MAPK10: variants seen among roughly 807,000 people sequenced by gnomAD.
The protein encoded by MAPK10 is mitogen-activated protein kinase 10.
In MAPK10, 25 loss-of-function variants were observed where a neutral mutation model predicts 59.3. The observed-to-expected ratio is 0.42, with a 90% CI of 0.31 to 0.59. The LOEUF is 0.59. Ranked by LOEUF, MAPK10 falls within the 20% of genes least tolerant of loss-of-function variation. MAPK10 has a pLI of 0.15. For synonymous variants in MAPK10, 190 were observed against 200.5 expected (o/e 0.95, Z 0.44); for missense variants, 351 against 568.9 (o/e 0.62, Z 3.90).
At chr4:86,528,134 GC>G (rs1757609283) in intron 1 of MAPK10, among the ~76,000 whole-genome samples, 1 of 152,090 alleles carries the variant, frequency 6.6e-6, no homozygotes. Flanking sequence ...CTGTGCTTGT[GC>G]CCTCTGAATC....
At position 86,563,657 on chromosome 4, in the gene MAPK10, T is replaced by C. The variant is rs958136595; in HGVS notation, c.-263+30253A>G. On this transcript the variant is annotated intron_variant, in intron 1 of 4. Transcript: ENST00000502302. ...ACCACGGATAGTACTGAATCATATATATAGTATGTTTTTTGTTTTCTTCTC... is the reference window on the plus strand; with the variant it reads ...ACCACGGATAGTACTGAATCATATACATAGTATGTTTTTTGTTTTCTTCTC... Among the ~76,000 whole-genome samples, 6 of 152,130 alleles carry C rather than the reference T, an allele frequency of 3.9e-5. No individual in the cohort carries two copies. In the East Asian group the frequency reaches 9.6e-4, roughly 24 times the overall value.
intron 1 of MAPK10, among the ~76,000 whole-genome samples, chr4:86,476,152 T>C (rs1013188936): frequency 6.6e-6 from 1 of 152,096 alleles, no homozygotes; most frequent in Non-Finnish European, 1.5e-5. Context: ...TTCCCACCTG[T>C]CCCCTCAGTC....
chr4:86,208,472 G>C (rs1054091615), intron 2 of MAPK10, among the ~76,000 whole-genome samples: 1 of 149,156 alleles, frequency 6.7e-6, no homozygotes, highest in East Asian at 1.9e-4. Flanking sequence ...CATATAAACA[G>C]AGCCAAAGAC....
intron 3 of MAPK10, among the ~76,000 whole-genome samples, chr4:86,179,842 T>C (rs2076501479): frequency 6.6e-6 from 1 of 152,048 alleles, no homozygotes; most frequent in Non-Finnish European, 1.5e-5. Flanking sequence ...CAACTCAAGA[T>C]AGATGAAATA....
rs768644914 is a variant in MAPK10 at position 86,359,986 on chromosome 4, G to A, written c.-450C>T. The A allele has an allele frequency of 3.3e-5, 33 of 985,884 alleles. No individual in the cohort carries two copies. In the Middle Eastern group the frequency reaches 1.6e-3, roughly 47 times the overall value. 61.1% of individuals were successfully genotyped at this position (985,884 alleles called of 1,614,324 possible). On this transcript the variant is annotated 5_prime_UTR_variant, in exon 1 of 14. Transcript: ENST00000641462. ...GGTTAAAGAAAATAGAAGAAGAGTG[G>A]CTTGCTGAATCACCCTCTTTCACTG...
At chr4:86,086,702 T>A (rs2051947007) in intron 9 of MAPK10, among the ~76,000 whole-genome samples, 1 of 152,192 alleles carries the variant, frequency 6.6e-6, no homozygotes, top group Non-Finnish European at 1.5e-5. Flanking sequence ...TAATATGGCA[T>A]ATCTCCAGCT....
intron 1 of MAPK10, among the ~76,000 whole-genome samples, chr4:86,578,520 G>C (rs1016503080): frequency 1.2e-4 from 19 of 152,108 alleles, no homozygotes; most frequent in African/African-American, 4.6e-4. Flanking sequence ...GAGAATAAAG[G>C]CCATAAACTA....
chr4:86,363,823 C>T (rs1345637444), upstream of MAPK10, among the ~76,000 whole-genome samples: 1 of 152,062 alleles, frequency 6.6e-6, no homozygotes, highest in Non-Finnish European at 1.5e-5. Context: ...CACTCTGTTG[C>T]CCAGGTGGGA....
chr4:86,137,609 A>T (rs2149165286), intron 4 of MAPK10, among the ~76,000 whole-genome samples: 1 of 130,680 alleles, frequency 7.7e-6, no homozygotes. Context: ...ACACCCTAAC[A>T]TCACAATTAA....
At chr4:86,344,190 T>C (rs1439286862) in intron 2 of MAPK10, among the ~76,000 whole-genome samples, 1 of 152,132 alleles carries the variant, frequency 6.6e-6, no homozygotes, top group African/African-American at 2.4e-5. Flanking sequence ...GCTGGAGTGC[T>C]TATCACAGTC....
intron 1 of MAPK10, among the ~76,000 whole-genome samples, chr4:86,534,889 G>C (rs1422173945): frequency 6.6e-6 from 1 of 152,154 alleles, no homozygotes; most frequent in African/African-American, 2.4e-5. Flanking sequence ...CTGGGTGGCA[G>C]AGCGAGACTC....
At chr4:86,367,588 CAGAA>C (rs941264105) in intron 1 of MAPK10, among the ~76,000 whole-genome samples, 3 of 151,930 alleles carry the variant, frequency 2.0e-5, no homozygotes, top group Non-Finnish European at 4.4e-5. Flanking sequence ...TCCAGTTTCT[CAGAA>C]AGAAACATTT....
At chr4:86,159,766 T>C (rs1312563036) in intron 3 of MAPK10, among the ~76,000 whole-genome samples, 2 of 152,056 alleles carry the variant, frequency 1.3e-5, no homozygotes, top group African/African-American at 4.8e-5. Flanking sequence ...CATTCATTTA[T>C]AGAATAAACA....
intron 1 of MAPK10, among the ~76,000 whole-genome samples, chr4:86,533,410 T>C (rs1187063137): frequency 2.0e-5 from 3 of 152,226 alleles, no homozygotes; most frequent in Non-Finnish European, 4.4e-5. Context: ...TAAATTTTGC[T>C]ATGTATATAC....
intron 3 of MAPK10, chr4:86,191,899 T>C (rs2079987377): frequency 6.6e-6 from 1 of 152,148 alleles, no homozygotes; most frequent in Non-Finnish European, 1.5e-5. Context: ...GTTTTTTCAG[T>C]GGCTGGTACC....
intron 1 of MAPK10, among the ~76,000 whole-genome samples, chr4:86,411,766 A>T (rs984408554): frequency 6.6e-6 from 1 of 152,134 alleles, no homozygotes; most frequent in Non-Finnish European, 1.5e-5. Flanking sequence ...ATTTTCCTCC[A>T]TCCCTTTATT....
chr4:86,377,092 AGTCATTCCC>A (rs1739936681), intron 1 of MAPK10, among the ~76,000 whole-genome samples: 1 of 152,222 alleles, frequency 6.6e-6, no homozygotes, highest in Non-Finnish European at 1.5e-5. Context: ...TACAGCAGCC[AGTCATTCCC>A]TGTGAGGTCG....
rs146571914 is a variant in MAPK10, at chr4:86,064,278, G to C, written c.1098C>G (p.Ala366=). 1 of 1,613,872 alleles carries C rather than the reference G, an allele frequency of 6.2e-7. No individual in the cohort carries two copies. The highest frequency in any genetic ancestry group is 1.7e-5 in the Admixed American group (1 of 59,972). Residue 366 remains alanine (A), a synonymous_variant, in exon 11 of 14, where the codon GCC becomes GCG. Coordinates refer to ENST00000641462, the MANE Select transcript of MAPK10 (RefSeq NM_138982.4). Reference sequence around the variant, plus strand: ...GCCTATTTCTTACCGCCTCCACTTCGGCTGGGTCATACCAGACGTTGATGT... The same window carrying C: ...GCCTATTTCTTACCGCCTCCACTTCCGCTGGGTCATACCAGACGTTGATGT... ...HPYINVWYDP[A]EVEAPPPQIY...
chr4:86,398,233 A>AAAAG (rs1458517170), intron 1 of MAPK10, among the ~76,000 whole-genome samples: 13 of 151,996 alleles, frequency 8.6e-5, no homozygotes, highest in African/African-American at 1.4e-4. Context: ...AAACAAAAAA[A>AAAAG]AAAAGAAAAG....
Sources: gnomAD v4.1 joint callset for allele counts (sites outside exome capture counted in the v4.1 genomes callset) on GRCh38, gnomAD v4.1.1 for gene constraint, MANE v1.5 for transcripts, NCBI Gene and HGNC (gene_info 2026-07-23, HGNC 2026-07-21) for gene names.